SAMMSON: variants seen among roughly 807,000 people sequenced by gnomAD.
The protein encoded by SAMMSON is long intergenic non-protein coding RNA 1212.
intron 2 of SAMMSON, among the ~76,000 whole-genome samples, chr3:70,405,397 A>G (rs531306923): frequency 6.6e-6 from 1 of 152,364 alleles, no homozygotes; most frequent in Non-Finnish European, 1.5e-5. Flanking sequence ...CCCATAGTAT[A>G]GTAGAAGAAG....
intron 6 of SAMMSON, among the ~76,000 whole-genome samples, chr3:70,288,024 A>C (rs1427095221): frequency 1.3e-5 from 2 of 151,170 alleles, no homozygotes; most frequent in Admixed American, 1.3e-4. Flanking sequence ...TGGATTCATT[A>C]ATTTTTTGAA....
At chr3:70,011,818 C>T (rs2066957327) in intron 1 of SAMMSON, among the ~76,000 whole-genome samples, 1 of 151,948 alleles carries the variant, frequency 6.6e-6, no homozygotes, top group Non-Finnish European at 1.5e-5. Context: ...ATGGAAAGCA[C>T]AGTGATCTCA....
chr3:70,367,734 A>G (rs1044786092), intron 9 of SAMMSON, among the ~76,000 whole-genome samples: 6 of 151,610 alleles, frequency 4.0e-5, no homozygotes, highest in Non-Finnish European at 8.9e-5. Flanking sequence ...TCTTTTGGAT[A>G]TATACCTTGT....
chr3:70,305,284 T>G (rs1252340947), intron 7 of SAMMSON, among the ~76,000 whole-genome samples: 1 of 152,216 alleles, frequency 6.6e-6, no homozygotes, highest in Non-Finnish European at 1.5e-5. Context: ...TACCTTTTCT[T>G]CACCCCTATT....
At chr3:70,382,607 T>G (rs1703080233) in intron 9 of SAMMSON, among the ~76,000 whole-genome samples, 1 of 152,118 alleles carries the variant, frequency 6.6e-6, no homozygotes, top group South Asian at 2.1e-4. Flanking sequence ...TTTCAAAATG[T>G]TTGTATTTTT....
intron 7 of SAMMSON, among the ~76,000 whole-genome samples, chr3:70,299,923 A>C (rs1469543257): frequency 1.3e-5 from 2 of 151,970 alleles, no homozygotes; most frequent in African/African-American, 4.8e-5. Context: ...TCACACTCCC[A>C]CACACGCCCT....
intron 4 of SAMMSON, chr3:70,183,517 G>C (rs972248400): frequency 6.6e-6 from 1 of 152,166 alleles, no homozygotes; most frequent in East Asian, 1.9e-4. Flanking sequence ...TTTGAACACA[G>C]TCCTTTTTCT....
At chr3:70,040,744 CT>C (rs898687003) in intron 3 of SAMMSON, among the ~76,000 whole-genome samples, 10 of 152,126 alleles carry the variant, frequency 6.6e-5, no homozygotes, top group Non-Finnish European at 1.3e-4. Flanking sequence ...TTCCCACCGC[CT>C]GCCAATCATG....
chr3:70,086,588 A>G (rs1045648537), intron 4 of SAMMSON, among the ~76,000 whole-genome samples: 1 of 152,150 alleles, frequency 6.6e-6, no homozygotes, highest in Non-Finnish European at 1.5e-5. Flanking sequence ...CAGACTTCCA[A>G]CTTGAAGCAG....
chr3:70,010,736 A>G (rs2066950642), intron 1 of SAMMSON, among the ~76,000 whole-genome samples: 1 of 152,194 alleles, frequency 6.6e-6, no homozygotes, highest in African/African-American at 2.4e-5. Flanking sequence ...TAAAGGAAAG[A>G]GGCTTAATTG....
intron 7 of SAMMSON, among the ~76,000 whole-genome samples, chr3:70,308,360 C>A (rs1025333071): frequency 3.3e-5 from 5 of 152,066 alleles, no homozygotes; most frequent in African/African-American, 1.2e-4. Flanking sequence ...CTGAGCAATG[C>A]TGCATATTTT....
intron 3 of SAMMSON, among the ~76,000 whole-genome samples, chr3:70,051,194 G>C (rs936607519): frequency 1.4e-5 from 2 of 144,370 alleles, no homozygotes; most frequent in Non-Finnish European, 1.5e-5. Flanking sequence ...TGTTAGAGAA[G>C]GTAAAATGGG....
intron 2 of SAMMSON, among the ~76,000 whole-genome samples, chr3:70,431,161 T>A (rs59398859): frequency 0.12 from 17,993 of 152,064 alleles, 1,312 homozygotes; most frequent in East Asian, 0.3. Context: ...TCAGAAAAGC[T>A]CAAAATGCTT....
intron 6 of SAMMSON, among the ~76,000 whole-genome samples, chr3:70,273,707 G>T (rs1184813746): frequency 6.6e-6 from 1 of 152,234 alleles, no homozygotes; most frequent in East Asian, 1.9e-4. Flanking sequence ...CCACTGGCAG[G>T]CATTACTAAT....
At chr3:70,292,384 A>G (rs1289478607) in intron 7 of SAMMSON, among the ~76,000 whole-genome samples, 1 of 152,152 alleles carries the variant, frequency 6.6e-6, no homozygotes, top group Non-Finnish European at 1.5e-5. Context: ...AGCTAAATCC[A>G]CTATGCCTGA....
At chr3:70,268,597 C>T (rs184128542) in intron 6 of SAMMSON, among the ~76,000 whole-genome samples, 2 of 152,130 alleles carry the variant, frequency 1.3e-5, no homozygotes, top group Admixed American at 6.5e-5. Context: ...TGGTGATGTA[C>T]CTTCTATGGG....
intron 1 of SAMMSON, among the ~76,000 whole-genome samples, chr3:70,010,523 T>A (rs1383201824): frequency 1.3e-5 from 2 of 152,128 alleles, no homozygotes; most frequent in Non-Finnish European, 2.9e-5. Flanking sequence ...AAGGGGAAGA[T>A]GGATGCTATT....
At chr3:70,377,798 C>G (rs1185074511) in intron 9 of SAMMSON, among the ~76,000 whole-genome samples, 1 of 151,558 alleles carries the variant, frequency 6.6e-6, no homozygotes, top group East Asian at 1.9e-4. Context: ...GCAAGTGTGC[C>G]AATAGAAAAA....
At chr3:70,027,609 A>G (rs1345036679) in intron 3 of SAMMSON, among the ~76,000 whole-genome samples, 2 of 152,238 alleles carry the variant, frequency 1.3e-5, no homozygotes, top group Non-Finnish European at 2.9e-5. Flanking sequence ...GAGTAGGTTG[A>G]TAGCAACAAA....
Sources: gnomAD v4.1 joint callset for allele counts (sites outside exome capture counted in the v4.1 genomes callset) on GRCh38, gnomAD v4.1.1 for gene constraint, MANE v1.5 for transcripts, NCBI Gene and HGNC (gene_info 2026-07-23, HGNC 2026-07-21) for gene names.